The following SEZ6L variants were observed in gnomAD, a reference collection of about 807,000 sequenced individuals.
SEZ6L encodes seizure related 6 homolog like, also known as seizure 6-like protein.
A neutral mutation model predicts 106.2 loss-of-function variants in SEZ6L; 37 were observed. The ratio of observed to expected loss-of-function variants is 0.35; its 90% CI spans 0.27 to 0.46. The LOEUF (loss-of-function observed/expected upper bound fraction) is 0.46. Among genes scored for constraint, SEZ6L ranks in the 20% least tolerant of loss-of-function variants. SEZ6L has a pLI of 1.00. For synonymous variants in SEZ6L, 541 were observed against 570.4 expected, an observed-to-expected ratio of 0.95 and a Z score of 0.73; for missense variants, 1,172 against 1,332.8, an observed-to-expected ratio of 0.88 and a Z score of 1.88.
chr22:26,171,801 A>G (rs1260675169), intron 1 of SEZ6L, among the ~76,000 whole-genome samples: 2 of 152,218 alleles, frequency 1.3e-5, no homozygotes, highest in African/African-American at 2.4e-5. Flanking sequence ...AGGGAGTGAT[A>G]CTGGCCAATG....
At chr22:26,356,984 C>A (rs975299465) in intron 12 of SEZ6L, among the ~76,000 whole-genome samples, 1 of 149,426 alleles carries the variant, frequency 6.7e-6, no homozygotes, top group Non-Finnish European at 1.5e-5. Flanking sequence ...CGGAGTCTGG[C>A]TCTGTTGCCC....
chr22:26,308,317 G>A lies in SEZ6L; in HGVS notation c.1514+2173G>A, dbSNP rs2081702790. On this transcript the variant is annotated intron_variant, in intron 6 of 16. Coordinates refer to ENST00000248933, the MANE Select transcript of SEZ6L (RefSeq NM_021115.5). ...GATGAGCACAAAGATGGAGGGGAAA[G>A]AATTAGCAAATTTGTTGGGGGGCTG... Among the ~76,000 whole-genome samples, 2 of 151,936 alleles carry A rather than the reference G, an allele frequency of 1.3e-5. 1 individual carries two copies. Among genetic ancestry groups the A allele is most frequent in the South Asian group, 4.2e-4 (2 of 4,816 alleles).
At chr22:26,245,893 C>T (rs1385529844) in intron 1 of SEZ6L, among the ~76,000 whole-genome samples, 1 of 152,170 alleles carries the variant, frequency 6.6e-6, no homozygotes, top group Non-Finnish European at 1.5e-5. Context: ...ATTATTATAA[C>T]ACCTATGTTG....
intron 10 of SEZ6L, 121 bp downstream of exon 10, chr22:26,340,753 T>C: frequency 1.2e-6 from 1 of 809,532 alleles, no homozygotes; most frequent in South Asian, 2.2e-5. Flanking sequence ...TGTATTGAAA[T>C]GTACTCATTT....
intron 1 of SEZ6L, among the ~76,000 whole-genome samples, chr22:26,270,718 G>A (rs1456657852): frequency 1.3e-5 from 2 of 152,124 alleles, no homozygotes; most frequent in Non-Finnish European, 2.9e-5. Flanking sequence ...TGGAACAGTG[G>A]AGGAGGCATT....
intron 1 of SEZ6L, among the ~76,000 whole-genome samples, chr22:26,170,781 C>G (rs556308793): frequency 6.6e-6 from 1 of 152,272 alleles, no homozygotes; most frequent in Non-Finnish European, 1.5e-5. Flanking sequence ...TTGCAAGGTC[C>G]CAGAAATGCG....
chr22:26,247,423 A>G (rs1184360737), intron 1 of SEZ6L, among the ~76,000 whole-genome samples: 2 of 152,140 alleles, frequency 1.3e-5, no homozygotes, highest in African/African-American at 4.8e-5. Context: ...ATGGGGTCAT[A>G]TTGGATTGGG....
chr22:26,349,190 A>T (rs1231587776), intron 11 of SEZ6L, among the ~76,000 whole-genome samples: 1 of 152,046 alleles, frequency 6.6e-6, no homozygotes, highest in African/African-American at 2.4e-5. Flanking sequence ...GACAGTGGAG[A>T]CCCACCAATC....
chr22:26,276,698 G>A (rs568332504), intron 1 of SEZ6L, among the ~76,000 whole-genome samples: 2 of 152,250 alleles, frequency 1.3e-5, no homozygotes, highest in South Asian at 4.1e-4. Context: ...AAATCACACT[G>A]CATTCCTCTC....
intron 1 of SEZ6L, among the ~76,000 whole-genome samples, chr22:26,259,712 G>T (rs1030795892): frequency 6.6e-6 from 1 of 152,160 alleles, no homozygotes; most frequent in Non-Finnish European, 1.5e-5. Context: ...GCACCCATGC[G>T]GGGTGCTGTC....
At chr22:26,300,835 G>T (rs2081431874) in intron 5 of SEZ6L, among the ~76,000 whole-genome samples, 1 of 152,168 alleles carries the variant, frequency 6.6e-6, no homozygotes, top group African/African-American at 2.4e-5. Flanking sequence ...TTATTGAGTT[G>T]TAAGCAATCA....
intron 9 of SEZ6L, among the ~76,000 whole-genome samples, chr22:26,334,689 G>C (rs1359552994): frequency 6.6e-6 from 1 of 152,172 alleles, no homozygotes; most frequent in African/African-American, 2.4e-5. Flanking sequence ...CTGCGACAGT[G>C]ACCAAGAAGA....
chr22:26,256,027 G>A (rs928440978), intron 1 of SEZ6L, among the ~76,000 whole-genome samples: 1 of 152,172 alleles, frequency 6.6e-6, no homozygotes, highest in African/African-American at 2.4e-5. Context: ...GGAAGGAAGG[G>A]AAGGAAGAGG....
chr22:26,350,849 G>A (rs960083092), intron 11 of SEZ6L, among the ~76,000 whole-genome samples: 6 of 151,810 alleles, frequency 4.0e-5, no homozygotes, highest in Non-Finnish European at 7.4e-5. Flanking sequence ...GTAGAGACGG[G>A]GTTTCACCAT....
chr22:26,210,663 C>T (rs1057054993), intron 1 of SEZ6L, among the ~76,000 whole-genome samples: 1 of 151,648 alleles, frequency 6.6e-6, no homozygotes, highest in African/African-American at 2.4e-5. Context: ...CTTTTCTCAT[C>T]TCCATTCTCA....
At chr22:26,356,329 T>G (rs938478332) in intron 12 of SEZ6L, among the ~76,000 whole-genome samples, 5 of 151,954 alleles carry the variant, frequency 3.3e-5, no homozygotes, top group South Asian at 2.1e-4. Flanking sequence ...AGAAAAACGG[T>G]TTTTTTTATT....
At chr22:26,233,463 G>A (rs954628778) in intron 1 of SEZ6L, among the ~76,000 whole-genome samples, 1 of 152,212 alleles carries the variant, frequency 6.6e-6, no homozygotes, top group Admixed American at 6.5e-5. Flanking sequence ...GGGCTGTGCT[G>A]TATTCATAGA....
At chr22:26,288,222 A>G (rs1334058646) in intron 1 of SEZ6L, among the ~76,000 whole-genome samples, 1 of 152,244 alleles carries the variant, frequency 6.6e-6, no homozygotes, top group East Asian at 1.9e-4. Context: ...ATCCTTAGGC[A>G]CTTGGAAGAC....
chr22:26,350,275 T>C (rs2146019966), intron 11 of SEZ6L, among the ~76,000 whole-genome samples: 1 of 151,936 alleles, frequency 6.6e-6, no homozygotes. Flanking sequence ...TTGCCCAGGC[T>C]GGAGTGCAGT....
Sources: gnomAD v4.1 joint callset for allele counts (sites outside exome capture counted in the v4.1 genomes callset) on GRCh38, gnomAD v4.1.1 for gene constraint, MANE v1.5 for transcripts, NCBI Gene and HGNC (gene_info 2026-07-23, HGNC 2026-07-21) for gene names.